The following ADAM32 variants were observed in gnomAD, a reference collection of about 807,000 sequenced individuals.
ADAM32 encodes the protein ADAM metallopeptidase domain 32.
In ADAM32, 89 loss-of-function variants were observed where a neutral mutation model predicts 114.9. That is an observed-to-expected ratio of 0.77 (90% confidence interval 0.65 to 0.92). The LOEUF (loss-of-function observed/expected upper bound fraction) is 0.92. ADAM32 is among the 40% of genes least tolerant of loss of function. ADAM32 has a pLI of 0.00. For synonymous variants in ADAM32, 285 were observed against 307.5 expected (o/e 0.93, Z 0.77); for missense variants, 870 against 932.8 (o/e 0.93, Z 0.88).
intron 12 of ADAM32, among the ~76,000 whole-genome samples, chr8:39,214,794 T>C (rs1450486288): frequency 2.6e-5 from 4 of 152,122 alleles, no homozygotes; most frequent in Non-Finnish European, 5.9e-5. Context: ...TTCTCTAATG[T>C]TTTCTTGTAG....
In ADAM32 at chr8:39,283,598, G is replaced by A. The variant is rs1813584178; in HGVS notation, c.2331G>A (p.Gln777=). ...AEAYTSRSKS[Q]DSTQTQSSSN is the part of the protein sequence containing the mutation. ...CTTATTTCCTTAGATCCAAATCACA[G>A]GACAGTACCCAAACACAAAGCAGTA... The change falls in exon 24 of 25, where the codon CAG becomes CAA. Residue 777 remains glutamine, a synonymous_variant. Transcript: ENST00000379907. 4 of 1,601,954 alleles carry A rather than the reference G, an allele frequency of 2.5e-6. No homozygotes were observed. Among genetic ancestry groups the A allele is most frequent in the Non-Finnish European group, 1.7e-6 (2 of 1,172,070 alleles).
At chr8:39,193,773 G>A (rs1806756685) in intron 11 of ADAM32, among the ~76,000 whole-genome samples, 1 of 152,192 alleles carries the variant, frequency 6.6e-6, no homozygotes. Context: ...GCCAAGGCTA[G>A]GCTCAGGATT....
intron 7 of ADAM32, among the ~76,000 whole-genome samples, chr8:39,164,555 A>C (rs929792708): frequency 1.3e-5 from 2 of 152,196 alleles, no homozygotes; most frequent in African/African-American, 4.8e-5. Context: ...GAAGTTACCA[A>C]ATTATTTTCC....
rs568504306 is a variant in ADAM32, at chr8:39,194,786, C to T, written c.1052+7741C>T. Among the ~76,000 whole-genome samples, 18 of 152,258 alleles carry T rather than the reference C, an allele frequency of 1.2e-4. No homozygotes were observed. The South Asian group carries it at 3.5e-3, about 30-fold the overall frequency. ...TTTGCAGACTTCAGGTACGACAGTT[C>T]CCCTAGGGCTAAAGTCTCGTACGGA... On this transcript the variant is annotated intron_variant, in intron 11 of 24. Coordinates refer to ENST00000379907, the MANE Select transcript of ADAM32 (RefSeq NM_145004.7).
intron 7 of ADAM32, among the ~76,000 whole-genome samples, chr8:39,164,349 AC>A (rs748158353): frequency 2.0e-4 from 30 of 152,236 alleles, no homozygotes; most frequent in Admixed American, 1.3e-3. Flanking sequence ...GTAGGAATGT[AC>A]TACAGTTTAT....
chr8:39,203,188 G>T (rs574642693), intron 11 of ADAM32, among the ~76,000 whole-genome samples: 1 of 152,140 alleles, frequency 6.6e-6, no homozygotes, highest in African/African-American at 2.4e-5. Flanking sequence ...GGATATCCTT[G>T]TTAACTTTCT....
intron 3 of ADAM32, among the ~76,000 whole-genome samples, chr8:39,146,217 C>A (rs1803497029): frequency 6.6e-6 from 1 of 152,192 alleles, no homozygotes; most frequent in African/African-American, 2.4e-5. Flanking sequence ...AAAATAGCAT[C>A]ATGAGTACAG....
chr8:39,273,274 G>T (rs1812846021), intron 20 of ADAM32, among the ~76,000 whole-genome samples: 1 of 152,096 alleles, frequency 6.6e-6, no homozygotes, highest in Non-Finnish European at 1.5e-5. Flanking sequence ...GAGAGGCTGA[G>T]GCGGGCGGAT....
chr8:39,185,561 G>T (rs1463078858), intron 10 of ADAM32, among the ~76,000 whole-genome samples: 1 of 152,120 alleles, frequency 6.6e-6, no homozygotes, highest in African/African-American at 2.4e-5. Context: ...TCACCATACA[G>T]TATGCCAGGA....
chr8:39,181,402 ACT>A (rs1327708524), intron 10 of ADAM32, among the ~76,000 whole-genome samples: 1 of 152,012 alleles, frequency 6.6e-6, no homozygotes, highest in African/African-American at 2.4e-5. Flanking sequence ...GAAGGAAGAA[ACT>A]CTGAACACAT....
chr8:39,268,598 A>T (rs1430655302), intron 19 of ADAM32, among the ~76,000 whole-genome samples: 2 of 152,340 alleles, frequency 1.3e-5, no homozygotes, highest in East Asian at 3.9e-4. Flanking sequence ...TAAATGTTTA[A>T]TAAAACCAGT....
intron 2 of ADAM32, among the ~76,000 whole-genome samples, chr8:39,121,924 G>A (rs990089167): frequency 1.3e-5 from 2 of 152,292 alleles, no homozygotes; most frequent in African/African-American, 4.8e-5. Context: ...AAGATCTAAC[G>A]GAATTTGTCT....
intron 10 of ADAM32, among the ~76,000 whole-genome samples, chr8:39,172,807 G>T (rs933747024): frequency 1.3e-5 from 2 of 152,126 alleles, no homozygotes; most frequent in African/African-American, 2.4e-5. Flanking sequence ...GAACATACAG[G>T]TGCATGTGTC....
chr8:39,250,148 A>T (rs560972977), intron 17 of ADAM32, among the ~76,000 whole-genome samples: 4 of 151,926 alleles, frequency 2.6e-5, no homozygotes, highest in African/African-American at 9.6e-5. Context: ...ATCAGCTATT[A>T]TTGCTTCAAA....
At chr8:39,242,010 A>T (rs916649060) in intron 16 of ADAM32, among the ~76,000 whole-genome samples, 1 of 152,156 alleles carries the variant, frequency 6.6e-6, no homozygotes, top group African/African-American at 2.4e-5. Flanking sequence ...CTGCTTAGAA[A>T]TTTCTTCCAC....
rs545877339 is a variant in ADAM32, at chr8:39,249,859, A to C, written c.1902+3693A>C. On this transcript the variant is annotated intron_variant, in intron 17 of 24. Transcript: ENST00000379907. The stretch of plus-strand genomic sequence containing the variant: ...GTTTGAGAGTCTTTATTTCATTTCC[A>C]TTTTTGCAAGATAATTTCAAAGGAT... Among the ~76,000 whole-genome samples, 4 of 151,966 alleles carry C rather than the reference A, an allele frequency of 2.6e-5. No homozygotes were observed. The South Asian group carries it at 8.3e-4, about 32-fold the overall frequency.
chr8:39,175,257 G>C (rs1353776143), intron 10 of ADAM32, among the ~76,000 whole-genome samples: 1 of 152,140 alleles, frequency 6.6e-6, no homozygotes, highest in South Asian at 2.1e-4. Context: ...TGCTTGTCTT[G>C]TGCCAGTTTA....
chr8:39,283,486 G>C (rs1813570426), intron 23 of ADAM32, 100 bp from the exon 24 acceptor site: 1 of 741,734 alleles, frequency 1.3e-6, no homozygotes, highest in Non-Finnish European at 1.9e-6. Context: ...GTACAACTTT[G>C]AACGGAAAGA....
Position 39,233,992 on chromosome 8 carries a change from T to C in ADAM32, c.1728T>C (p.Asp576=), listed in dbSNP as rs1425834010. 5 of 1,574,352 alleles carry C rather than the reference T, an allele frequency of 3.2e-6. No individual in the cohort carries two copies. The highest frequency in any genetic ancestry group is 4.3e-6 in the Non-Finnish European group (5 of 1,157,988). Residue 576 remains aspartate, a synonymous_variant, in exon 16 of 25, where the codon GAT becomes GAC. Transcript: ENST00000379907. ...ATGTGATTTATGCTTTCGTACGAGA[T>C]TCTGTATGCATAACTGTAGACTACA... ...NGDVIYAFVR[D]SVCITVDYKL...
Sources: gnomAD v4.1 joint callset for allele counts (sites outside exome capture counted in the v4.1 genomes callset) on GRCh38, gnomAD v4.1.1 for gene constraint, MANE v1.5 for transcripts, NCBI Gene and HGNC (gene_info 2026-07-23, HGNC 2026-07-21) for gene names.